CDK12: variants seen among roughly 807,000 people sequenced by gnomAD.
CDK12 encodes the protein cyclin dependent kinase 12.
Under a neutral mutation model 133.8 loss-of-function variants are expected in CDK12, and 17 were observed. The ratio of observed to expected loss-of-function variants is 0.13; its 90% CI spans 0.09 to 0.19. CDK12 has a LOEUF of 0.19. Ranked by LOEUF, CDK12 falls within the 10% of genes least tolerant of loss-of-function variation. The pLI, the probability that CDK12 is intolerant of heterozygous loss-of-function variation, is 1.00. For missense variants in CDK12, 1,508 were observed against 1,818.7 expected, an observed-to-expected ratio of 0.83 and a Z score of 3.11; for synonymous variants, 694 against 683.6, an observed-to-expected ratio of 1.02 and a Z score of -0.24.
intron 3 of CDK12, among the ~76,000 whole-genome samples, chr17:39,491,468 C>G (rs1476465600): frequency 6.6e-6 from 1 of 152,042 alleles, no homozygotes; most frequent in African/African-American, 2.4e-5. Flanking sequence ...AACTCTTGAC[C>G]TCAGGTAATC....
At chr17:39,499,585 C>T (rs2052567622) in intron 5 of CDK12, among the ~76,000 whole-genome samples, 1 of 151,314 alleles carries the variant, frequency 6.6e-6, no homozygotes, top group African/African-American at 2.4e-5. Context: ...TCTCAGCTCA[C>T]TGCGACCTCT....
intron 5 of CDK12, among the ~76,000 whole-genome samples, chr17:39,500,901 A>ATT (rs373106354): frequency 6.9e-6 from 1 of 145,840 alleles, no homozygotes; most frequent in African/African-American, 2.5e-5. Context: ...TAATTTTTGT[A>ATT]TTTTTTTTTT....
chr17:39,563,371 A>G (rs1479262686), intron 3 of CDK12, among the ~76,000 whole-genome samples: 5 of 150,264 alleles, frequency 3.3e-5, no homozygotes, highest in Non-Finnish European at 2.9e-5. Context: ...CCACATGTAA[A>G]TATCTGAGAG....
At chr17:39,470,768 T>C (rs573194227) in intron 1 of CDK12, 111 bp from the exon 2 acceptor site, 1 of 928,074 alleles carries the variant, frequency 1.1e-6, no homozygotes, top group South Asian at 2.0e-5. Flanking sequence ...TGGCACTTAA[T>C]CTATTTTACA....
chr17:39,506,840 CAT>C (rs1222169194), intron 6 of CDK12, among the ~76,000 whole-genome samples: 1 of 152,124 alleles, frequency 6.6e-6, no homozygotes, highest in Non-Finnish European at 1.5e-5. Context: ...TGAGACAGGA[CAT>C]AAACAATATG....
At chr17:39,559,414 A>T (rs967688340) in intron 3 of CDK12, among the ~76,000 whole-genome samples, 37 of 152,226 alleles carry the variant, frequency 2.4e-4, no homozygotes, top group African/African-American at 8.2e-4. Context: ...CCACCACTAC[A>T]GTCAAGAAGC....
In CDK12 at chr17:39,511,642, T is replaced by C. The variant is rs978644443; in HGVS notation, c.2768+12T>C. 3 of 1,579,530 alleles carry C rather than the reference T, an allele frequency of 1.9e-6. No homozygotes were observed. Among genetic ancestry groups the C allele is most frequent in the Non-Finnish European group, 2.6e-6 (3 of 1,150,764 alleles). ...GTTTGGAGCTGTGGGTAAGGTTCTGTTAACTTTTTCTTTTGTCTGTAACTT... is the reference window on the plus strand; with the variant it reads ...GTTTGGAGCTGTGGGTAAGGTTCTGCTAACTTTTTCTTTTGTCTGTAACTT... On this transcript the variant is annotated intron_variant, in intron 8 of 13. Transcript: ENST00000447079.
intron 11 of CDK12, among the ~76,000 whole-genome samples, chr17:39,521,378 C>T (rs2054156088): frequency 6.6e-6 from 1 of 151,962 alleles, no homozygotes; most frequent in Admixed American, 6.5e-5. Context: ...TCAAGCAATT[C>T]TCCTGCCTCA....
intron 3 of CDK12, among the ~76,000 whole-genome samples, chr17:39,492,099 CTTTTTTTTTTT>C (rs781378233): frequency 7.9e-6 from 1 of 127,050 alleles, no homozygotes; most frequent in Admixed American, 8.0e-5. Context: ...ATTTTCTTTT[CTTTTTTTTTTT>C]TTTTGAGTCG....
chr17:39,462,494 A>T lies in CDK12; in HGVS notation c.423A>T (p.Gly141=), dbSNP rs773784590. The change falls in exon 1 of 14, where the codon GGA becomes GGT. Residue 141 remains glycine, a synonymous_variant. Coordinates refer to ENST00000447079, the MANE Select transcript of CDK12 (RefSeq NM_016507.4). ...GCCAAGAAGTCTCCAGCAAGTCGGG[A>T]TCGATGAAGGACCGGATATCGGGAA... The part of the protein sequence containing the change: ...EKSQEVSSKS[G]SMKDRISGSS... The T allele has an allele frequency of 8.7e-6, 14 of 1,614,024 alleles. No homozygotes were observed. In the Admixed American group the frequency reaches 1.3e-4, roughly 15 times the overall value.
intron 2 of CDK12, among the ~76,000 whole-genome samples, chr17:39,479,091 G>A (rs989323992): frequency 2.6e-5 from 4 of 151,918 alleles, no homozygotes; most frequent in African/African-American, 9.7e-5. Flanking sequence ...GGCAGATCAC[G>A]AGGTCAGGAG....
chr17:39,519,859 G>T, intron 10 of CDK12, 97 bp from the exon 11 acceptor site: 1 of 1,448,398 alleles, frequency 6.9e-7, no homozygotes, highest in South Asian at 1.2e-5. Flanking sequence ...CTCCCAAAGT[G>T]CTGGAATTAC....
chr17:39,475,931 A>G (rs2050158452), intron 2 of CDK12, among the ~76,000 whole-genome samples: 1 of 152,032 alleles, frequency 6.6e-6, no homozygotes, highest in African/African-American at 2.4e-5. Context: ...TAAAAGCCAT[A>G]TTTTTATAGT....
At chr17:39,470,301 T>G (rs1322409058) in intron 1 of CDK12, among the ~76,000 whole-genome samples, 3 of 151,978 alleles carry the variant, frequency 2.0e-5, no homozygotes, top group Non-Finnish European at 2.9e-5. Flanking sequence ...TTTGTATTTT[T>G]TAGTAGAGAT....
intron 2 of CDK12, among the ~76,000 whole-genome samples, chr17:39,480,587 A>G (rs946285800): frequency 6.6e-6 from 1 of 151,818 alleles, no homozygotes; most frequent in Admixed American, 6.6e-5. Flanking sequence ...GATTCCAACT[A>G]ATTTTTTGTA....
intron 5 of CDK12, among the ~76,000 whole-genome samples, chr17:39,499,679 T>C (rs1431724332): frequency 1.3e-5 from 2 of 151,118 alleles, no homozygotes; most frequent in Non-Finnish European, 2.9e-5. Context: ...CTGGCTAATT[T>C]TTGTATTTTT....
At chr17:39,506,497 C>G (rs1285509544) in intron 6 of CDK12, among the ~76,000 whole-genome samples, 3 of 151,886 alleles carry the variant, frequency 2.0e-5, no homozygotes, top group Non-Finnish European at 4.4e-5. Context: ...ATTACAGACG[C>G]GAGCCACCAC....
chr17:39,513,100 C>T (rs2053593073), intron 8 of CDK12, among the ~76,000 whole-genome samples: 1 of 152,120 alleles, frequency 6.6e-6, no homozygotes, highest in African/African-American at 2.4e-5. Flanking sequence ...TGGAATCATC[C>T]ATTTCTCTAA....
rs1259458008 is a variant in CDK12 at position 39,526,110 on chromosome 17, C to T, written c.3554C>T (p.Ala1185Val). The T allele has an allele frequency of 1.9e-6, 3 of 1,614,218 alleles. No homozygotes were observed. The highest frequency in any genetic ancestry group is 2.5e-6 in the Non-Finnish European group (3 of 1,180,030). The change falls in exon 13 of 14, where the codon GCC (alanine) becomes GTC (valine). Residue 1185 changes from alanine (A) to valine (V), a missense_variant. Coordinates refer to ENST00000447079, the MANE Select transcript of CDK12 (RefSeq NM_016507.4). ...PEESLKEAPS[A>V]PVILPSAEQT... ...GAGTCTTTGAAGGAAGCACCCTCTG[C>T]CCCAGTGATCCTGCCTTCAGCAGAA...
Sources: allele counts gnomAD v4.1 joint callset (sites outside exome capture counted in the v4.1 genomes callset), GRCh38; gene constraint gnomAD v4.1.1; transcripts MANE v1.5; gene names NCBI Gene and HGNC (gene_info 2026-07-23, HGNC 2026-07-21).